The following SKAP2 variants were observed in gnomAD, a reference collection of about 807,000 sequenced individuals.
SKAP2 encodes the protein src kinase associated phosphoprotein 2.
A neutral mutation model predicts 54.9 loss-of-function variants in SKAP2; 28 were observed. The observed-to-expected ratio is 0.51, with a 90% CI of 0.38 to 0.70. The LOEUF is 0.70. Among genes scored for constraint, SKAP2 ranks in the 30% least tolerant of loss-of-function variants. The pLI, the probability that SKAP2 is intolerant of heterozygous loss-of-function variation, is 0.00. For missense variants in SKAP2, 356 were observed against 424.1 expected (o/e 0.84, Z 1.41); for synonymous variants, 137 against 134.3 (o/e 1.02, Z -0.14).
chr7:26,743,396 G>C (rs1782497113), intron 4 of SKAP2, among the ~76,000 whole-genome samples: 2 of 152,088 alleles, frequency 1.3e-5, no homozygotes, highest in South Asian at 4.1e-4. Context: ...ATGAAATACA[G>C]GAAAAAGCAT....
intron 4 of SKAP2, among the ~76,000 whole-genome samples, chr7:26,796,346 C>T (rs1347003228): frequency 1.3e-5 from 2 of 152,122 alleles, no homozygotes; most frequent in Non-Finnish European, 2.9e-5. Flanking sequence ...CACTAATTGA[C>T]ACTAATCATC....
chr7:26,773,586 A>G (rs944663391), intron 4 of SKAP2, among the ~76,000 whole-genome samples: 2 of 152,186 alleles, frequency 1.3e-5, no homozygotes, highest in Non-Finnish European at 2.9e-5. Flanking sequence ...CCTAACTTCA[A>G]TTTCTGATAA....
rs3216228 is a variant in SKAP2 at position 26,680,927 on chromosome 7, GA to G, written c.987+3808del. On this transcript the variant is annotated intron_variant, in intron 11 of 12. Coordinates refer to ENST00000345317, the MANE Select transcript of SKAP2 (RefSeq NM_003930.5). ...TTGCAACATTTGATTTGCACCAGAAGAAAAAAAAAAATAAAGGCTTAGATTT... is the reference window on the plus strand; with the variant it reads ...TTGCAACATTTGATTTGCACCAGAAGAAAAAAAAAATAAAGGCTTAGATTT... Among the ~76,000 whole-genome samples, 809 of 138,776 alleles carry G rather than the reference GA, an allele frequency of 5.8e-3. 12 individuals carry two copies. Among genetic ancestry groups the G allele is most frequent in the African/African-American group, 0.019 (709 of 37,852 alleles). The allele number at this position is 138,776 out of a possible 152,430, so 91.0% of individuals were successfully genotyped here.
chr7:26,679,777 A>G (rs981325363), intron 11 of SKAP2, among the ~76,000 whole-genome samples: 7 of 152,236 alleles, frequency 4.6e-5, no homozygotes, highest in African/African-American at 1.4e-4. Context: ...TTGAAGCCAA[A>G]AAAAGCCATA....
intron 9 of SKAP2, among the ~76,000 whole-genome samples, chr7:26,691,691 T>C (rs1786786404): frequency 1.3e-5 from 2 of 152,126 alleles, no homozygotes; most frequent in South Asian, 4.2e-4. Context: ...ACTGAAGAAG[T>C]GCAGCAGAGA....
chr7:26,829,879 T>C (rs1314286781), intron 4 of SKAP2, among the ~76,000 whole-genome samples: 12 of 152,156 alleles, frequency 7.9e-5, no homozygotes, highest in Admixed American at 7.9e-4. Flanking sequence ...TACCATATGA[T>C]ACAGTAATTT....
chr7:26,766,131 T>C (rs1783047415), intron 4 of SKAP2, among the ~76,000 whole-genome samples: 2 of 152,232 alleles, frequency 1.3e-5, no homozygotes, highest in African/African-American at 4.8e-5. Context: ...TTTGTTTGTG[T>C]CCTGTCTTAT....
At chr7:26,851,674 C>T (rs1207298071) in intron 3 of SKAP2, among the ~76,000 whole-genome samples, 1 of 150,068 alleles carries the variant, frequency 6.7e-6, no homozygotes, top group Non-Finnish European at 1.5e-5. Flanking sequence ...ATGTAACAAA[C>T]CTGCATGTTG....
At chr7:26,753,937 C>G (rs75043659) in intron 4 of SKAP2, among the ~76,000 whole-genome samples, 5,619 of 152,220 alleles carry the variant, frequency 0.037, 149 homozygotes, top group Non-Finnish European at 0.053. Flanking sequence ...TCTACTTTCA[C>G]AATTACTAAC....
intron 4 of SKAP2, among the ~76,000 whole-genome samples, chr7:26,816,503 A>C (rs1784269255): frequency 6.6e-6 from 1 of 152,204 alleles, no homozygotes; most frequent in East Asian, 1.9e-4. Context: ...AAATACAGTC[A>C]ATTTTTACAG....
chr7:26,835,594 C>T (rs1323819835), intron 4 of SKAP2, among the ~76,000 whole-genome samples: 1 of 152,076 alleles, frequency 6.6e-6, no homozygotes, highest in Non-Finnish European at 1.5e-5. Context: ...TTCACAATTG[C>T]AACAAGAAGA....
intron 4 of SKAP2, among the ~76,000 whole-genome samples, chr7:26,799,537 C>T (rs984440195): frequency 1.3e-5 from 2 of 152,082 alleles, no homozygotes; most frequent in Non-Finnish European, 1.5e-5. Context: ...ATGCACCCAA[C>T]ACTAGAACAC....
chr7:26,768,629 A>C (rs1032736586), intron 4 of SKAP2, among the ~76,000 whole-genome samples: 2 of 152,108 alleles, frequency 1.3e-5, no homozygotes, highest in African/African-American at 4.8e-5. Flanking sequence ...TGCTTCCTTC[A>C]GGAGCTCTTG....
At chr7:26,841,476 C>T (rs1023543101) in intron 4 of SKAP2, among the ~76,000 whole-genome samples, 3 of 152,020 alleles carry the variant, frequency 2.0e-5, no homozygotes, top group Non-Finnish European at 4.4e-5. Context: ...TTCTCCTTGG[C>T]TATGATTTAA....
intron 4 of SKAP2, among the ~76,000 whole-genome samples, chr7:26,747,620 T>G (rs1782584897): frequency 6.6e-6 from 1 of 152,172 alleles, no homozygotes; most frequent in Non-Finnish European, 1.5e-5. Context: ...ACAGTAACTA[T>G]TAATATCATA....
chr7:26,845,030 C>T (rs1254397589), intron 3 of SKAP2, among the ~76,000 whole-genome samples: 2 of 152,022 alleles, frequency 1.3e-5, no homozygotes, highest in Admixed American at 1.3e-4. Context: ...ATTTGTCACC[C>T]GGATTTCACA....
chr7:26,849,139 A>G (rs1784986197), intron 3 of SKAP2, among the ~76,000 whole-genome samples: 1 of 152,228 alleles, frequency 6.6e-6, no homozygotes, highest in Non-Finnish European at 1.5e-5. Flanking sequence ...GAAATTAAAC[A>G]TCATCCAAAC....
chr7:26,856,829 G>A (rs1008302591), intron 1 of SKAP2, among the ~76,000 whole-genome samples: 1 of 152,030 alleles, frequency 6.6e-6, no homozygotes, highest in African/African-American at 2.4e-5. Context: ...TCTTCCATGA[G>A]TATTTAATTG....
At chr7:26,826,619 A>G (rs1272407352) in intron 4 of SKAP2, among the ~76,000 whole-genome samples, 1 of 152,202 alleles carries the variant, frequency 6.6e-6, no homozygotes, top group Non-Finnish European at 1.5e-5. Context: ...TTCAAATGCC[A>G]TTAATGTTAT....
Sources: gnomAD v4.1 joint callset for allele counts (sites outside exome capture counted in the v4.1 genomes callset) on GRCh38, gnomAD v4.1.1 for gene constraint, MANE v1.5 for transcripts, NCBI Gene and HGNC (gene_info 2026-07-23, HGNC 2026-07-21) for gene names.